Variants in SBF2 observed in about 807,000 individuals in gnomAD.
SBF2 encodes myotubularin-related protein 13.
SBF2 carries 112 observed loss-of-function variants against 225.2 expected under a neutral mutation model. The observed-to-expected ratio is 0.50, with a 90% CI of 0.43 to 0.58. The LOEUF is 0.58. SBF2 is among the 20% of genes least tolerant of loss of function. The pLI is 0.00. For synonymous variants in SBF2, 763 were observed against 773.3 expected (o/e 0.99, Z 0.22); for missense variants, 1,996 against 2,206.2 (o/e 0.90, Z 1.91).
chr11:9,781,000 T>A (rs1005875548), intron 39 of SBF2, among the ~76,000 whole-genome samples: 3 of 152,212 alleles, frequency 2.0e-5, no homozygotes, highest in East Asian at 1.9e-4. Flanking sequence ...CCATAGAGGA[T>A]GACCTATCCT....
chr11:10,252,909 A>G (rs1250266650), intron 1 of SBF2, among the ~76,000 whole-genome samples: 4 of 151,962 alleles, frequency 2.6e-5, no homozygotes, highest in African/African-American at 9.7e-5. Flanking sequence ...CGATTTCTCT[A>G]TGTCATTTCC....
intron 16 of SBF2, among the ~76,000 whole-genome samples, chr11:9,899,524 A>G (rs962618431): frequency 6.7e-6 from 1 of 149,932 alleles, no homozygotes; most frequent in African/African-American, 2.4e-5. Flanking sequence ...AAGCCACTTG[A>G]AGAGTTATTA....
intron 16 of SBF2, among the ~76,000 whole-genome samples, chr11:9,920,172 C>T (rs1013046142): frequency 4.7e-5 from 7 of 148,784 alleles, no homozygotes; most frequent in African/African-American, 1.7e-4. Context: ...CTCAAAACTG[C>T]AAATACTATA....
At chr11:10,169,992 T>A (rs1956123718) in intron 2 of SBF2, among the ~76,000 whole-genome samples, 1 of 152,228 alleles carries the variant, frequency 6.6e-6, no homozygotes, top group Non-Finnish European at 1.5e-5. Context: ...TTGAGAAATG[T>A]CTATTCAGAT....
rs111967328 is a variant in SBF2 at position 9,845,639 on chromosome 11, G to A, written c.3036C>T (p.Thr1012=). The A allele has an allele frequency of 3.5e-4, 558 of 1,613,924 alleles. 4 individuals are homozygous for A. The African/African-American group carries it at 5.7e-3, about 16-fold the overall frequency. Residue 1012 remains threonine, a synonymous_variant, in exon 24 of 40, where the codon ACC becomes ACT. Transcript: ENST00000256190. The stretch of plus-strand genomic sequence containing the variant: ...TAGTTTGTCCAGCAGCAAAAGCAAA[G>A]GTACTGAAAATGGACTGAGGATAAC... ...KFRYPQSIFS[T]FAFAAGQTTP... is the part of the protein sequence containing the mutation.
At chr11:10,117,399 C>A (rs1035706356) in intron 2 of SBF2, among the ~76,000 whole-genome samples, 5 of 145,078 alleles carry the variant, frequency 3.4e-5, no homozygotes, top group African/African-American at 1.3e-4. Context: ...CAAGATGGCA[C>A]CATTGCACTC....
intron 2 of SBF2, among the ~76,000 whole-genome samples, chr11:10,132,584 G>C (rs370020613): frequency 4.8e-5 from 7 of 146,444 alleles, no homozygotes; most frequent in East Asian, 2.3e-4. Flanking sequence ...TCGTGGTCTC[G>C]CTGGGCTCAG....
chr11:9,926,894 C>T (rs926099517), intron 16 of SBF2, among the ~76,000 whole-genome samples: 17 of 151,894 alleles, frequency 1.1e-4, no homozygotes, highest in African/African-American at 3.6e-4. Context: ...AATAAAATGT[C>T]GTGTAGAAAT....
intron 16 of SBF2, among the ~76,000 whole-genome samples, chr11:9,921,175 A>G (rs574940593): frequency 2.1e-5 from 3 of 146,290 alleles, no homozygotes; most frequent in Admixed American, 1.4e-4. Flanking sequence ...GGTTCAAGCG[A>G]TTCTCCTGCC....
At chr11:9,924,429 T>A (rs1386150158) in intron 16 of SBF2, among the ~76,000 whole-genome samples, 1 of 152,030 alleles carries the variant, frequency 6.6e-6, no homozygotes, top group African/African-American at 2.4e-5. Context: ...CATTTTCTTA[T>A]TTATTTATTT....
Position 9,939,978 on chromosome 11 carries a change from T to C in SBF2, c.1860+21979A>G, listed in dbSNP as rs114634387. On this transcript the variant is annotated intron_variant, in intron 16 of 39. Coordinates refer to ENST00000256190, the MANE Select transcript of SBF2 (RefSeq NM_030962.4). ...GAAACACAGCATTTTTGAATGTATA[T>C]TGACACTGAATCTCTTGATATTATA... Among the ~76,000 whole-genome samples the C allele has an allele frequency of 4.6e-3, 705 of 152,324 alleles. 6 individuals carry two copies. The highest frequency in any genetic ancestry group is 0.016 in the African/African-American group (675 of 41,572).
chr11:9,840,458 AT>A (rs1289835868), intron 25 of SBF2, among the ~76,000 whole-genome samples: 9 of 152,214 alleles, frequency 5.9e-5, no homozygotes, highest in Non-Finnish European at 1.3e-4. Context: ...TGTCAGGAAA[AT>A]AATACCATTT....
At chr11:9,967,965 C>CTATA (rs1554969227) in intron 14 of SBF2, among the ~76,000 whole-genome samples, 6 of 94,932 alleles carry the variant, frequency 6.3e-5, no homozygotes, top group African/African-American at 2.0e-4. Context: ...CTCTCTCTCT[C>CTATA]TCTCTCTATA....
chr11:9,989,657 G>A (rs1275748901), intron 12 of SBF2, 62 bp from the exon 13 acceptor site: 3 of 990,168 alleles, frequency 3.0e-6, no homozygotes, highest in Non-Finnish European at 4.7e-6. Flanking sequence ...CAAAAACTGT[G>A]ATAATTTCAT....
chr11:10,124,166 T>C (rs1565256081), intron 2 of SBF2, among the ~76,000 whole-genome samples: 2 of 152,220 alleles, frequency 1.3e-5, no homozygotes, highest in Admixed American at 6.5e-5. Flanking sequence ...GTTTGTATTT[T>C]TTTGGTTGTT....
chr11:9,925,844 A>G (rs979387179), intron 16 of SBF2, among the ~76,000 whole-genome samples: 2 of 152,132 alleles, frequency 1.3e-5, no homozygotes, highest in Non-Finnish European at 2.9e-5. Flanking sequence ...TGCTATTTTT[A>G]GAATACTGTT....
intron 16 of SBF2, among the ~76,000 whole-genome samples, chr11:9,914,789 T>C (rs941991198): frequency 2.0e-5 from 3 of 151,726 alleles, no homozygotes; most frequent in African/African-American, 7.3e-5. Context: ...AAAATATAAA[T>C]CTGTACAACA....
At chr11:9,943,782 A>T (rs1443814801) in intron 16 of SBF2, among the ~76,000 whole-genome samples, 1 of 152,240 alleles carries the variant, frequency 6.6e-6, no homozygotes, top group Non-Finnish European at 1.5e-5. Flanking sequence ...TATTGCTGTC[A>T]GAGTATAAAT....
At chr11:10,226,705 A>G (rs1306252108) in intron 1 of SBF2, among the ~76,000 whole-genome samples, 1 of 152,208 alleles carries the variant, frequency 6.6e-6, no homozygotes, top group African/African-American at 2.4e-5. Flanking sequence ...TATATGTGTC[A>G]CATTTTCTTA....
Sources: allele counts gnomAD v4.1 joint callset (sites outside exome capture counted in the v4.1 genomes callset), GRCh38; gene constraint gnomAD v4.1.1; transcripts MANE v1.5; gene names NCBI Gene and HGNC (gene_info 2026-07-23, HGNC 2026-07-21).